The following MORC3 variants were observed in gnomAD, a reference collection of about 807,000 sequenced individuals.
The protein encoded by MORC3 is MORC family CW-type zinc finger protein 3.
MORC3 carries 31 observed loss-of-function variants against 109.1 expected under a neutral mutation model. That is an observed-to-expected ratio of 0.28 (90% confidence interval 0.21 to 0.38). The LOEUF is 0.38. MORC3 is among the 10% of genes least tolerant of loss of function. The pLI is 1.00. For synonymous variants in MORC3, 395 were observed against 380.7 expected, an observed-to-expected ratio of 1.04 and a Z score of -0.44; for missense variants, 867 against 1,135.8, an observed-to-expected ratio of 0.76 and a Z score of 3.40.
At chr21:36,323,840 A>C (rs1189645173) in intron 1 of MORC3, among the ~76,000 whole-genome samples, 2 of 146,032 alleles carry the variant, frequency 1.4e-5, no homozygotes, top group Non-Finnish European at 3.0e-5. Flanking sequence ...CTCTTGGGGG[A>C]TTTCCTCTAC....
At chr21:36,364,641 C>T (rs1389547000) in intron 14 of MORC3, among the ~76,000 whole-genome samples, 2 of 150,596 alleles carry the variant, frequency 1.3e-5, no homozygotes, top group African/African-American at 2.4e-5. Context: ...AGCAAAACTC[C>T]GTCTCAAAAA....
At chr21:36,361,880 AAAG>A in intron 12 of MORC3, 1 of 336,494 alleles carries the variant, frequency 3.0e-6, no homozygotes, top group South Asian at 3.6e-5. Flanking sequence ...CTCCCTCTCA[AAAG>A]AAAAAACCTA....
At chr21:36,324,324 C>A (rs529197268) in intron 1 of MORC3, among the ~76,000 whole-genome samples, 1 of 151,338 alleles carries the variant, frequency 6.6e-6, no homozygotes, top group South Asian at 2.1e-4. Context: ...GTCGTCCAGG[C>A]TGGAGTGCAG....
intron 14 of MORC3, among the ~76,000 whole-genome samples, chr21:36,368,665 C>T (rs892961241): frequency 2.0e-5 from 3 of 152,100 alleles, no homozygotes; most frequent in Non-Finnish European, 4.4e-5. Flanking sequence ...TGCTTGAGCT[C>T]AAGGAGTTTG....
intron 14 of MORC3, among the ~76,000 whole-genome samples, chr21:36,367,309 AC>A (rs2085792268): frequency 6.6e-6 from 1 of 152,120 alleles, no homozygotes. Flanking sequence ...CAGTTTGAGC[AC>A]CCTTTGAATC....
At chr21:36,355,659 G>T (rs2146322882) in intron 9 of MORC3, among the ~76,000 whole-genome samples, 1 of 151,982 alleles carries the variant, frequency 6.6e-6, no homozygotes, top group South Asian at 2.1e-4. Context: ...TTAAAAACCT[G>T]TTCAAACAGG....
rs143622574 is a variant in MORC3 at position 36,362,242 on chromosome 21, CTTTTTTTTTT to C, written c.1452+23_1452+32del. The C allele has an allele frequency of 2.1e-6, 3 of 1,440,830 alleles. No individual in the cohort carries two copies. The highest frequency in any genetic ancestry group is 2.8e-6 in the Non-Finnish European group (3 of 1,080,556). The allele number at this position is 1,440,830 out of a possible 1,614,324, so 89.3% of individuals were successfully genotyped here. ...ATGATCCCTCGGGTAATTAAGCCTTCTTTTTTTTTTTTTTTTTTAAATAGAGATGGGGGCT... is the reference window on the plus strand; with the variant it reads ...ATGATCCCTCGGGTAATTAAGCCTTCTTTTTTTTAAATAGAGATGGGGGCT... On this transcript the variant is annotated intron_variant, in intron 13 of 16. Coordinates refer to ENST00000400485, the MANE Select transcript of MORC3 (RefSeq NM_015358.3).
intron 4 of MORC3, 46 bp from the exon 5 acceptor site, chr21:36,338,728 T>TTACAA: frequency 6.7e-7 from 1 of 1,494,302 alleles, no homozygotes; most frequent in Non-Finnish European, 9.1e-7. Flanking sequence ...CATATTGTAA[T>TTACAA]TATGAAAACT....
At chr21:36,362,757 T>C (rs2085734411) in intron 13 of MORC3, among the ~76,000 whole-genome samples, 1 of 152,096 alleles carries the variant, frequency 6.6e-6, no homozygotes, top group South Asian at 2.1e-4. Flanking sequence ...TTAATACATA[T>C]CAAAGGGATT....
intron 13 of MORC3, among the ~76,000 whole-genome samples, chr21:36,362,957 A>G (rs2085737358): frequency 6.6e-6 from 1 of 152,104 alleles, no homozygotes; most frequent in African/African-American, 2.4e-5. Flanking sequence ...ACACCCAGGA[A>G]GCCATATTTT....
At chr21:36,340,732 G>C (rs763096466) in intron 5 of MORC3, among the ~76,000 whole-genome samples, 7 of 151,482 alleles carry the variant, frequency 4.6e-5, no homozygotes, top group Non-Finnish European at 7.4e-5. Flanking sequence ...CGCCCACCGG[G>C]TTCAAGCGAT....
chr21:36,346,599 A>G (rs1026524696), intron 8 of MORC3, among the ~76,000 whole-genome samples: 2 of 151,956 alleles, frequency 1.3e-5, no homozygotes, highest in African/African-American at 2.4e-5. Context: ...GCTTGAGCCC[A>G]GGAGTTCAAG....
At position 36,371,234 on chromosome 21, in the gene MORC3, T is replaced by G. The variant is rs887193715; in HGVS notation, c.2509-1140T>G. Among the ~76,000 whole-genome samples, 9 of 152,294 alleles carry G rather than the reference T, an allele frequency of 5.9e-5. 1 individual carries two copies. Among genetic ancestry groups the G allele is most frequent in the Admixed American group, 1.3e-4 (2 of 15,286 alleles). On this transcript the variant is annotated intron_variant, in intron 15 of 16. Transcript: ENST00000400485. ...AAAGAGTTTGGGAACCATGGTGTGG[T>G]GCTGTGCTGTCTCTTCCTTGGGAAT...
At chr21:36,373,561 T>C (rs1231769357) in intron 16 of MORC3, among the ~76,000 whole-genome samples, 2 of 151,724 alleles carry the variant, frequency 1.3e-5, no homozygotes, top group Non-Finnish European at 2.9e-5. Context: ...AGAAGGAGGT[T>C]GCAGTGAGCC....
intron 1 of MORC3, among the ~76,000 whole-genome samples, chr21:36,332,627 G>A (rs2085329058): frequency 6.6e-6 from 1 of 152,152 alleles, no homozygotes; most frequent in African/African-American, 2.4e-5. Context: ...TTCTGTAGTT[G>A]ACTGAGACTC....
At chr21:36,349,626 C>T (rs940810930) in intron 9 of MORC3, among the ~76,000 whole-genome samples, 6 of 151,850 alleles carry the variant, frequency 4.0e-5, no homozygotes, top group African/African-American at 1.2e-4. Flanking sequence ...TCTTAAAGTT[C>T]GATAATGTAA....
At chr21:36,335,634 C>T (rs1171189680) in intron 2 of MORC3, among the ~76,000 whole-genome samples, 4 of 152,042 alleles carry the variant, frequency 2.6e-5, no homozygotes, top group African/African-American at 4.8e-5. Flanking sequence ...CATTTTTAAA[C>T]GTATTTCTTC....
chr21:36,360,314 G>A, intron 12 of MORC3, 56 bp downstream of exon 12: 1 of 1,488,838 alleles, frequency 6.7e-7, no homozygotes. Flanking sequence ...GAACAGTGAT[G>A]CCTTGGCAAC....
At chr21:36,346,700 C>A (rs991275262) in intron 8 of MORC3, among the ~76,000 whole-genome samples, 3 of 151,492 alleles carry the variant, frequency 2.0e-5, no homozygotes, top group African/African-American at 7.3e-5. Flanking sequence ...GTCCCAGCTA[C>A]CAGGAGGCTG....
Sources: gnomAD v4.1 joint callset for allele counts (sites outside exome capture counted in the v4.1 genomes callset) on GRCh38, gnomAD v4.1.1 for gene constraint, MANE v1.5 for transcripts, NCBI Gene and HGNC (gene_info 2026-07-23, HGNC 2026-07-21) for gene names.